FXR2: variants seen among roughly 807,000 people sequenced by gnomAD.
FXR2 encodes the protein FMR1 autosomal homolog 2.
In FXR2, 9 loss-of-function variants were observed where a neutral mutation model predicts 87.3. The observed-to-expected ratio is 0.10, with a 90% CI of 0.06 to 0.18. FXR2 has a LOEUF of 0.18. Among genes scored for constraint, FXR2 ranks in the 10% least tolerant of loss-of-function variants. The pLI is 1.00. For synonymous variants in FXR2, 331 were observed against 328.3 expected, an observed-to-expected ratio of 1.01 and a Z score of -0.09; for missense variants, 661 against 893.6, an observed-to-expected ratio of 0.74 and a Z score of 3.32.
rs1382340923 is a variant in FXR2, at chr17:7,605,627, G to A, written c.228+18C>T. On this transcript the variant is annotated intron_variant, in intron 3 of 16. Transcript: ENST00000250113. Reference sequence around the variant, plus strand: ...GGGGAAAAGTGACATTTAGAAAGGTGTACTCCACAGCCCTTACCTCCACTT... The same window carrying A: ...GGGGAAAAGTGACATTTAGAAAGGTATACTCCACAGCCCTTACCTCCACTT... The A allele has an allele frequency of 2.4e-6, 3 of 1,238,718 alleles. No homozygotes were observed. The highest frequency in any genetic ancestry group is 1.2e-5 in the South Asian group (1 of 81,278). The allele number at this position is 1,238,718 out of a possible 1,614,324, so 76.7% of individuals were successfully genotyped here. A position where few individuals can be genotyped will look rare whatever the true frequency, so the allele number is the denominator to read the frequency against.
intron 7 of FXR2, chr17:7,596,305 C>A: frequency 5.0e-6 from 1 of 201,796 alleles, no homozygotes; most frequent in Non-Finnish European, 1.0e-5. Flanking sequence ...CTACAGGTGT[C>A]CACCACCATG....
Position 7,594,632 on chromosome 17 carries a change from G to T in FXR2, c.910+47C>A. On this transcript the variant is annotated intron_variant, in intron 9 of 16. Transcript: ENST00000250113. This position sits in a 1 kb window ranked among gnomAD's most constrained non-coding sequence, Gnocchi z 5.1. Reference sequence around the variant, plus strand: ...GATAAAAGCTCAGAATCACTGTAGAGAATCTTGATTCTGACCTCTAACTGT... The same window carrying T: ...GATAAAAGCTCAGAATCACTGTAGATAATCTTGATTCTGACCTCTAACTGT... The T allele has an allele frequency of 8.6e-7, 1 of 1,162,076 alleles. No individual in the cohort carries two copies. The highest frequency in any genetic ancestry group is 1.3e-6 in the Non-Finnish European group (1 of 767,416). The allele number at this position is 1,162,076 out of a possible 1,614,324, so 72.0% of individuals were successfully genotyped here.
chr17:7,602,759 C>G, intron 6 of FXR2, 150 bp downstream of exon 6: 1 of 553,302 alleles, frequency 1.8e-6, no homozygotes, highest in Non-Finnish European at 3.2e-6. Context: ...GGTAGGGCTA[C>G]CTGGGCCTGT....
chr17:7,607,528 A>C (rs2150946552), intron 1 of FXR2, among the ~76,000 whole-genome samples: 1 of 152,026 alleles, frequency 6.6e-6, no homozygotes, highest in African/African-American at 2.4e-5. Flanking sequence ...CCCGGGTTCA[A>C]GCAATTCTCC....
At chr17:7,606,284 CCTGAA>C in intron 1 of FXR2, 135 bp from the exon 2 acceptor site, 1 of 629,276 alleles carries the variant, frequency 1.6e-6, no homozygotes, top group Non-Finnish European at 2.8e-6. Context: ...AATGAGACAG[CCTGAA>C]AGGCTGCACT....
intron 7 of FXR2, among the ~76,000 whole-genome samples, chr17:7,597,791 C>T (rs2071720265): frequency 6.6e-6 from 1 of 151,484 alleles, no homozygotes; most frequent in South Asian, 2.1e-4. Context: ...CCTTTGGCCC[C>T]ATTCCCCTCC....
Position 7,596,935 on chromosome 17 carries a change from A to G in FXR2, c.661-941T>C, listed in dbSNP as rs147646790. ...GCCAACATAGTGAAACCCCATCTCT[A>G]TTAAAAATACAAAAATTAGCTGGCC... On this transcript the variant is annotated intron_variant, in intron 7 of 16. Coordinates refer to ENST00000250113, the MANE Select transcript of FXR2 (RefSeq NM_004860.4). Among the ~76,000 whole-genome samples the G allele has an allele frequency of 4.0e-3, 602 of 152,242 alleles. 3 individuals carry two copies. Among genetic ancestry groups the G allele is most frequent in the African/African-American group, 0.013 (554 of 41,548 alleles).
At chr17:7,614,192 G>A in intron 1 of FXR2, 1 of 671,656 alleles carries the variant, frequency 1.5e-6, no homozygotes, top group Non-Finnish European at 2.7e-6. Flanking sequence ...GGAGCGCCAA[G>A]CCAGGGACAA....
rs867429667 is a variant in FXR2, at chr17:7,605,877, A to G, written c.135-139T>C. 3.6e-5 allele frequency: 24 copies of G among 663,808 alleles called. No individual in the cohort carries two copies. The Middle Eastern group carries it at 2.2e-3, about 60-fold the overall frequency. The allele number at this position is 663,808 out of a possible 1,614,324, so 41.1% of individuals were successfully genotyped here. ...GGCTAAACCCCAGGCCCTGCTCCAT[A>G]GTAGTGTCTTCCATCTCTTTCTAGA... On this transcript the variant is annotated intron_variant, in intron 2 of 16. Transcript: ENST00000250113.
At chr17:7,610,049 C>CATGTATGTGTATAT (rs1567754155) in intron 1 of FXR2, among the ~76,000 whole-genome samples, 2 of 35,668 alleles carry the variant, frequency 5.6e-5, no homozygotes, top group African/African-American at 2.6e-4. Context: ...TATATATATA[C>CATGTATGTGTATAT]ACACACACAC....
Position 7,610,005 on chromosome 17 carries a change from C to T in FXR2, c.82-3856G>A, listed in dbSNP as rs1156921446. On this transcript the variant is annotated intron_variant, in intron 1 of 16. Transcript: ENST00000250113. ...ATATATATATACATGTATATGTATA[C>T]ATATATATATACATGTATATGTATA... 2.6e-4 allele frequency among the ~76,000 whole-genome samples: 26 copies of T among 98,694 alleles called. 1 individual carries two copies. The highest frequency in any genetic ancestry group is 1.0e-3 in the African/African-American group (24 of 24,118). The allele number at this position is 98,694 out of a possible 152,430, so 64.7% of individuals were successfully genotyped here. A position where few individuals can be genotyped will look rare whatever the true frequency, so the allele number is the denominator to read the frequency against.
intron 3 of FXR2, among the ~76,000 whole-genome samples, chr17:7,604,401 C>A (rs776047512): frequency 1.3e-5 from 2 of 151,304 alleles, no homozygotes; most frequent in East Asian, 1.9e-4. Flanking sequence ...CCCACTTCCA[C>A]GAAAAAAAAA....
In FXR2 at chr17:7,603,256, G is replaced by A. The variant is rs144767199; in HGVS notation, c.450-254C>T. On this transcript the variant is annotated intron_variant, in intron 5 of 16. Coordinates refer to ENST00000250113, the MANE Select transcript of FXR2 (RefSeq NM_004860.4). ...AAAGAAAAGGGACTGGGCCGGGTGC[G>A]GTGGCTCACGCCTGTAATCCCAGCA... Among the ~76,000 whole-genome samples, 1,333 of 152,030 alleles carry A rather than the reference G, an allele frequency of 8.8e-3. 17 individuals are homozygous for A. The highest frequency in any genetic ancestry group is 0.03 in the African/African-American group (1,239 of 41,472).
At position 7,610,051 on chromosome 17, in the gene FXR2, C is replaced by T. The variant is rs1259564400; in HGVS notation, c.82-3902G>A. ...GTATACATGTATGTATATATATACACACACACACACACACATATATATAAA... is the reference window on the plus strand; with the variant it reads ...GTATACATGTATGTATATATATACATACACACACACACACATATATATAAA... On this transcript the variant is annotated intron_variant, in intron 1 of 16. Coordinates refer to ENST00000250113, the MANE Select transcript of FXR2 (RefSeq NM_004860.4). Among the ~76,000 whole-genome samples the T allele has an allele frequency of 3.0e-3, 310 of 104,686 alleles. 11 individuals are homozygous for T. The highest frequency in any genetic ancestry group is 6.7e-3 in the Middle Eastern group (1 of 150). 68.7% of individuals were successfully genotyped at this position (104,686 alleles called of 152,430 possible). A position where few individuals can be genotyped will look rare whatever the true frequency, so the allele number is the denominator to read the frequency against.
chr17:7,603,254 G>A (rs984229695), intron 5 of FXR2, among the ~76,000 whole-genome samples: 2 of 151,910 alleles, frequency 1.3e-5, no homozygotes, highest in Admixed American at 1.3e-4. Flanking sequence ...TGGGCCGGGT[G>A]CGGTGGCTCA....
At chr17:7,599,939 C>A (rs1452743486) in intron 7 of FXR2, among the ~76,000 whole-genome samples, 1 of 152,158 alleles carries the variant, frequency 6.6e-6, no homozygotes, top group Admixed American at 6.5e-5. Context: ...CTCTTGTTGC[C>A]CAGGCTGGAG....
rs1567747777 is a variant in FXR2 at position 7,593,022 on chromosome 17, CG to C, written c.1489del (p.Arg497GlyfsTer15). 1.3e-6 allele frequency: 2 copies of C among 1,576,846 alleles called. No homozygotes were observed. Among genetic ancestry groups the C allele is most frequent in the Non-Finnish European group, 1.7e-6 (2 of 1,164,302 alleles). Reference sequence around the variant, plus strand: ...TGAAGAATTGTATCTCGAAGTGGGCCGGGGGGCAGGTGGGGGTCCCCTACCC... The same window carrying C: ...TGAAGAATTGTATCTCGAAGTGGGCCGGGGGCAGGTGGGGGTCCCCTACCC... Reference protein sequence around the residue: ...GRGRGPPPAPRPTSRYNSSSI... With the variant: ...GRGRGPPPAPXPTSRYNSSSI... On this transcript the variant is annotated frameshift_variant, in exon 13 of 17. Coordinates refer to ENST00000250113, the MANE Select transcript of FXR2 (RefSeq NM_004860.4). LOFTEE classifies it high-confidence loss of function. The surrounding 1 kb of genome is among the most constrained non-coding windows in gnomAD (Gnocchi z 6.1).
rs1368162750 is a variant in FXR2 at position 7,595,768 on chromosome 17, G to A, written c.831+56C>T. 7.0e-6 allele frequency: 10 copies of A among 1,424,764 alleles called. No individual in the cohort carries two copies. The highest frequency in any genetic ancestry group is 1.2e-5 in the South Asian group (1 of 83,794). The allele number at this position is 1,424,764 out of a possible 1,614,324, so 88.3% of individuals were successfully genotyped here. A position where few individuals can be genotyped will look rare whatever the true frequency, so the allele number is the denominator to read the frequency against. On this transcript the variant is annotated intron_variant, in intron 8 of 16. Transcript: ENST00000250113. The surrounding 1 kb of genome is among the most constrained non-coding windows in gnomAD (Gnocchi z 4.7). ...CAGTTTGAGGCTTATTTTCTACTTC[G>A]GCCTCTCTTCCCTCTATCCCCTAAG...
rs1238166545 is a variant in FXR2 at position 7,604,256 on chromosome 17, T to C, written c.229-176A>G. On this transcript the variant is annotated intron_variant, in intron 3 of 16. Transcript: ENST00000250113. ...AGACCAGCTTGGGCAACATAAACAA[T>C]AGAACAACCATTAAGATATTTGGGG... 4.0e-5 allele frequency among the ~76,000 whole-genome samples: 6 copies of C among 151,296 alleles called. No homozygotes were observed. In the East Asian group the frequency reaches 5.9e-4, roughly 15 times the overall value.
Sources: gnomAD v4.1 joint callset for allele counts (sites outside exome capture counted in the v4.1 genomes callset) on GRCh38, gnomAD v4.1.1 for gene constraint, Gnocchi (gnomAD v3.1) non-coding constraint, MANE v1.5 for transcripts, NCBI Gene and HGNC (gene_info 2026-07-23, HGNC 2026-07-21) for gene names.